Variants in TTLL5 observed in about 807,000 individuals in gnomAD.
TTLL5 encodes the protein tubulin tyrosine ligase like 5, also known as tubulin polyglutamylase TTLL5.
TTLL5 carries 132 observed loss-of-function variants against 168.4 expected under a neutral mutation model. That is an observed-to-expected ratio of 0.78 (90% CI 0.68 to 0.91). The LOEUF (loss-of-function observed/expected upper bound fraction) is 0.91. Ranked by LOEUF, TTLL5 falls within the 40% of genes least tolerant of loss-of-function variation. The pLI is 0.00. For synonymous variants in TTLL5, 546 were observed against 558.6 expected (o/e 0.98, Z 0.32); for missense variants, 1,545 against 1,581.5 (o/e 0.98, Z 0.39).
At position 75,941,829 on chromosome 14, in the gene TTLL5, A is replaced by G. The variant is rs185967273; in HGVS notation, c.3824-12595A>G. On this transcript the variant is annotated intron_variant, in intron 31 of 31. Transcript: ENST00000298832. Reference sequence around the variant, plus strand: ...GCTTAGGGCCTTCTTTATTGGCAGAAAATTCATGATGAACTTTTTTTTTTT... The same window carrying G: ...GCTTAGGGCCTTCTTTATTGGCAGAGAATTCATGATGAACTTTTTTTTTTT... Among the ~76,000 whole-genome samples the G allele has an allele frequency of 5.3e-3, 789 of 149,762 alleles. 12 individuals are homozygous for G. Among genetic ancestry groups the G allele is most frequent in the South Asian group, 0.027 (128 of 4,718 alleles).
intron 26 of TTLL5, 71 bp from the exon 27 acceptor site, chr14:75,792,845 T>A: frequency 7.2e-7 from 1 of 1,384,074 alleles, no homozygotes; most frequent in Non-Finnish European, 9.7e-7. Flanking sequence ...ACCTGAGATT[T>A]CTGTCATTAT....
intron 28 of TTLL5, among the ~76,000 whole-genome samples, chr14:75,824,113 T>G (rs1299316589): frequency 1.3e-5 from 2 of 152,208 alleles, no homozygotes; most frequent in Admixed American, 1.3e-4. Context: ...ATATGTCTTA[T>G]GCATTTTCTA....
intron 31 of TTLL5, among the ~76,000 whole-genome samples, chr14:75,908,863 G>A (rs934295259): frequency 1.3e-5 from 2 of 151,924 alleles, no homozygotes; most frequent in South Asian, 2.1e-4. Context: ...TGCAACCTCC[G>A]CCTCCTGGGA....
chr14:75,813,134 T>G (rs1042103942), intron 27 of TTLL5, among the ~76,000 whole-genome samples: 1 of 152,176 alleles, frequency 6.6e-6, no homozygotes, highest in Non-Finnish European at 1.5e-5. Flanking sequence ...CATCTACCTG[T>G]CTTGAAGACT....
intron 28 of TTLL5, among the ~76,000 whole-genome samples, chr14:75,842,312 A>G (rs1896303714): frequency 6.6e-6 from 1 of 152,040 alleles, no homozygotes; most frequent in South Asian, 2.1e-4. Flanking sequence ...TCCCACTTTT[A>G]CTGATGATGA....
chr14:75,942,723 T>C lies in TTLL5; in HGVS notation c.3824-11701T>C, dbSNP rs114581118. On this transcript the variant is annotated intron_variant, in intron 31 of 31. Coordinates refer to ENST00000298832, the MANE Select transcript of TTLL5 (RefSeq NM_015072.5). ...ATCACAATGTCTAAAAATACTTGCA[T>C]TCTCTATGGCCTAAACACAAGCCAG... Among the ~76,000 whole-genome samples, 848 of 152,296 alleles carry C rather than the reference T, an allele frequency of 5.6e-3. 14 individuals are homozygous for C. Among genetic ancestry groups the C allele is most frequent in the South Asian group, 0.026 (127 of 4,818 alleles).
chr14:75,671,346 A>G (rs1440345012), intron 3 of TTLL5, among the ~76,000 whole-genome samples: 2 of 152,182 alleles, frequency 1.3e-5, no homozygotes, highest in African/African-American at 2.4e-5. Flanking sequence ...GTCCTCTAAT[A>G]TAGTTCTTTT....
rs777436358 is a variant in TTLL5 at position 75,699,320 on chromosome 14, C to G, written c.585+50C>G. ...CTCTCTCCTCACTTGTTCTTTCCTC[C>G]TTCACCCTTTGTATTGGTTACTAAT... On this transcript the variant is annotated intron_variant, in intron 7 of 31. Coordinates refer to ENST00000298832, the MANE Select transcript of TTLL5 (RefSeq NM_015072.5). 9.5e-6 allele frequency: 14 copies of G among 1,480,818 alleles called. No homozygotes were observed. In the East Asian group the frequency reaches 2.7e-4, roughly 29 times the overall value. 91.7% of individuals were successfully genotyped at this position (1,480,818 alleles called of 1,614,324 possible). A position where few individuals can be genotyped will look rare whatever the true frequency, so the allele number is the denominator to read the frequency against.
chr14:75,834,541 C>G (rs1264583802), intron 28 of TTLL5, among the ~76,000 whole-genome samples: 1 of 152,120 alleles, frequency 6.6e-6, no homozygotes, highest in East Asian at 1.9e-4. Context: ...GGATCTAGCC[C>G]AGTTCTACCC....
chr14:75,762,765 G>A (rs925905112), intron 18 of TTLL5, among the ~76,000 whole-genome samples: 4 of 152,156 alleles, frequency 2.6e-5, no homozygotes, highest in Non-Finnish European at 5.9e-5. Flanking sequence ...AGCTTTTAGC[G>A]TTCATGTTTT....
At chr14:75,674,117 A>G (rs1404484611) in intron 3 of TTLL5, among the ~76,000 whole-genome samples, 2 of 152,126 alleles carry the variant, frequency 1.3e-5, no homozygotes, top group Admixed American at 6.5e-5. Context: ...AGCAATTACT[A>G]TTTTTTTAGG....
chr14:75,783,170 G>C lies in TTLL5; in HGVS notation c.2626G>C (p.Glu876Gln), dbSNP rs760860657. 113 of 1,611,238 alleles carry C rather than the reference G, an allele frequency of 7.0e-5. No homozygotes were observed. The highest frequency in any genetic ancestry group is 9.3e-5 in the Non-Finnish European group (110 of 1,179,652). ...LSRFTTSAEK[E>Q]AKLVYSNSSS... ...AGGATTTACCACTTCAGCAGAAAAA[G>C]AGGCAAAATTAGTTTATAGCAATTC... Residue 876 changes from glutamate to glutamine, a missense_variant, in exon 26 of 32, where the codon GAG becomes CAG. Coordinates refer to ENST00000298832, the MANE Select transcript of TTLL5 (RefSeq NM_015072.5).
intron 8 of TTLL5, 119 bp downstream of exon 8, chr14:75,707,206 G>T (rs1328518981): frequency 1.3e-6 from 1 of 780,134 alleles, no homozygotes; most frequent in Non-Finnish European, 2.1e-6. Flanking sequence ...TGACATGTGT[G>T]GCTCCAGAAA....
intron 31 of TTLL5, among the ~76,000 whole-genome samples, chr14:75,932,067 A>G (rs954599328): frequency 6.6e-6 from 1 of 152,262 alleles, no homozygotes; most frequent in Non-Finnish European, 1.5e-5. Context: ...AAGGTTTAGC[A>G]TTCACTGAAT....
At chr14:75,929,309 G>T (rs2034193879) in intron 31 of TTLL5, among the ~76,000 whole-genome samples, 1 of 152,056 alleles carries the variant, frequency 6.6e-6, no homozygotes, top group Non-Finnish European at 1.5e-5. Context: ...GGTCCTCATG[G>T]TTTCCCAAAA....
chr14:75,849,516 A>G (rs1896736890), intron 28 of TTLL5, among the ~76,000 whole-genome samples: 1 of 152,264 alleles, frequency 6.6e-6, no homozygotes, highest in South Asian at 2.1e-4. Context: ...GACGCCGAAT[A>G]TATAAACTGG....
intron 31 of TTLL5, among the ~76,000 whole-genome samples, chr14:75,952,269 G>A (rs1338050442): frequency 2.0e-5 from 3 of 152,172 alleles, no homozygotes; most frequent in Non-Finnish European, 4.4e-5. Context: ...GAGCCGAAGA[G>A]TTTGAGACCA....
chr14:75,836,927 T>G (rs1293919125), intron 28 of TTLL5, among the ~76,000 whole-genome samples: 2 of 152,220 alleles, frequency 1.3e-5, no homozygotes, highest in Non-Finnish European at 2.9e-5. Context: ...AAAGCTGATT[T>G]TTTTCTTTTT....
chr14:75,720,636 AAT>A lies in TTLL5; in HGVS notation c.976_977del (p.Ile326LeufsTer3). ...HVEDLIIKTI[I>X]SAELAIATAC... The stretch of plus-strand genomic sequence containing the variant: ...TAGAAGACCTGATCATTAAGACTAT[AAT>A]CTCTGCTGAACTAGCTATTGCTACT... On this transcript the variant is annotated frameshift_variant, in exon 12 of 32. Coordinates refer to ENST00000298832, the MANE Select transcript of TTLL5 (RefSeq NM_015072.5). LOFTEE classifies it high-confidence loss of function. 6.2e-7 allele frequency: 1 copy of A among 1,613,710 alleles called. No individual in the cohort carries two copies. The highest frequency in any genetic ancestry group is 8.5e-7 in the Non-Finnish European group (1 of 1,179,670).
Sources: gnomAD v4.1 joint callset for allele counts (sites outside exome capture counted in the v4.1 genomes callset) on GRCh38, gnomAD v4.1.1 for gene constraint, MANE v1.5 for transcripts, NCBI Gene and HGNC (gene_info 2026-07-23, HGNC 2026-07-21) for gene names.